Variants in RIMS2 observed in about 807,000 individuals in gnomAD.
RIMS2 encodes regulating synaptic membrane exocytosis protein 2.
In RIMS2, 59 loss-of-function variants were observed where a neutral mutation model predicts 174.4. That is an observed-to-expected ratio of 0.34 (90% CI 0.27 to 0.42). RIMS2 has a LOEUF of 0.42. RIMS2 is among the 10% of genes least tolerant of loss of function. The pLI, the probability that RIMS2 is intolerant of heterozygous loss-of-function variation, is 1.00. For missense variants in RIMS2, 1,620 were observed against 1,666.3 expected (o/e 0.97, Z 0.48); for synonymous variants, 606 against 572.5 (o/e 1.06, Z -0.84).
At chr8:103,739,582 G>A (rs865978510) in intron 2 of RIMS2, among the ~76,000 whole-genome samples, 2 of 152,038 alleles carry the variant, frequency 1.3e-5, no homozygotes, top group Non-Finnish European at 2.9e-5. Flanking sequence ...ATTGTGTCAG[G>A]CATATCACTG....
intron 20 of RIMS2, 87 bp downstream of exon 26, chr8:104,245,144 T>G: frequency 1.5e-6 from 2 of 1,357,848 alleles, no homozygotes; most frequent in Non-Finnish European, 2.1e-6. Context: ...CCAACTCTCA[T>G]GCTCTTCAGA....
intron 1 of RIMS2, among the ~76,000 whole-genome samples, chr8:103,668,243 A>G (rs1346744205): frequency 6.6e-6 from 1 of 152,218 alleles, no homozygotes; most frequent in African/African-American, 2.4e-5. Flanking sequence ...AGTTGATTCA[A>G]TTAGTTTTGC....
intron 3 of RIMS2, among the ~76,000 whole-genome samples, chr8:103,875,577 A>C (rs945559988): frequency 1.1e-4 from 16 of 152,016 alleles, no homozygotes; most frequent in Non-Finnish European, 2.4e-4. Context: ...AAACGTGTGC[A>C]GGTGTCTTTT....
At chr8:103,597,940 G>A (rs546460868) in intron 1 of RIMS2, among the ~76,000 whole-genome samples, 49 of 152,008 alleles carry the variant, frequency 3.2e-4, no homozygotes, top group Middle Eastern at 3.4e-3. Flanking sequence ...ATTATTTTAC[G>A]GAATTTTATT....
At chr8:103,606,529 G>A (rs940666939) in intron 1 of RIMS2, among the ~76,000 whole-genome samples, 2 of 152,174 alleles carry the variant, frequency 1.3e-5, no homozygotes, top group Non-Finnish European at 2.9e-5. Flanking sequence ...GCTTGGTGCA[G>A]AGCTGGGTTC....
chr8:104,221,671 T>G (rs2099155972), intron 19 of RIMS2, among the ~76,000 whole-genome samples: 1 of 152,080 alleles, frequency 6.6e-6, no homozygotes, highest in Non-Finnish European at 1.5e-5. Context: ...ACAAAAGCAA[T>G]AAATCTGGAT....
chr8:103,682,047 A>G (rs2096886543), intron 1 of RIMS2, among the ~76,000 whole-genome samples: 1 of 152,078 alleles, frequency 6.6e-6, no homozygotes, highest in South Asian at 2.1e-4. Context: ...GTATAATTGA[A>G]TGGTGGCACC....
At chr8:104,107,967 G>GCCC (rs11322161) in intron 19 of RIMS2, among the ~76,000 whole-genome samples, 106 of 141,230 alleles carry the variant, frequency 7.5e-4, no homozygotes, top group Middle Eastern at 7.4e-3. Context: ...TCTTTCCCCT[G>GCCC]CCCCCCCCCC....
intron 2 of RIMS2, among the ~76,000 whole-genome samples, chr8:103,709,446 ACTT>A (rs34074791): frequency 0.12 from 17,472 of 150,872 alleles, 1,322 homozygotes; most frequent in Non-Finnish European, 0.17. Context: ...TGTTTCTGTA[ACTT>A]CTTGAGCTTT....
chr8:104,003,679 A>G (rs1040590106), intron 17 of RIMS2, among the ~76,000 whole-genome samples: 1 of 152,104 alleles, frequency 6.6e-6, no homozygotes, highest in Admixed American at 6.6e-5. Flanking sequence ...CTCCCAAAGC[A>G]CTGGGATTAT....
In RIMS2 at chr8:103,567,155, GTACTT is replaced by G. The variant is rs1350823888; in HGVS notation, c.176+66099_176+66103del. 7.2e-5 allele frequency among the ~76,000 whole-genome samples: 11 copies of G among 152,248 alleles called. No individual in the cohort carries two copies. The East Asian group carries it at 2.1e-3, about 29-fold the overall frequency. On this transcript the variant is annotated intron_variant, in intron 1 of 23. Transcript: ENST00000504942. Reference sequence around the variant, plus strand: ...GTCATTCATGTCATAACATGTGTCAGTACTTTACTTCTTTTTTTATTGTGGTAAAA... The same window carrying G: ...GTCATTCATGTCATAACATGTGTCAGTACTTCTTTTTTTATTGTGGTAAAA...
intron 2 of RIMS2, among the ~76,000 whole-genome samples, chr8:103,708,484 CAT>C (rs1316817362): frequency 3.3e-5 from 5 of 152,136 alleles, no homozygotes; most frequent in Non-Finnish European, 5.9e-5. Flanking sequence ...TGTGATCTCT[CAT>C]GTGATGTTTT....
chr8:103,627,495 T>C (rs368382855), intron 1 of RIMS2, among the ~76,000 whole-genome samples: 138 of 152,330 alleles, frequency 9.1e-4, no homozygotes, highest in African/African-American at 3.2e-3. Context: ...AGAGTATTGA[T>C]TGGGGAAGTG....
intron 1 of RIMS2, among the ~76,000 whole-genome samples, chr8:103,596,829 A>C (rs927730945): frequency 6.6e-6 from 1 of 152,118 alleles, no homozygotes; most frequent in African/African-American, 2.4e-5. Context: ...TTTTAAAGAC[A>C]CAGCTTAAGC....
intron 1 of RIMS2, among the ~76,000 whole-genome samples, chr8:103,678,751 A>G (rs78749259): frequency 0.12 from 18,932 of 152,184 alleles, 1,277 homozygotes; most frequent in Middle Eastern, 0.22. Context: ...TAAATGCATA[A>G]AAGATAATAC....
intron 1 of RIMS2, among the ~76,000 whole-genome samples, chr8:103,611,832 G>C (rs1168837164): frequency 6.6e-6 from 1 of 151,868 alleles, no homozygotes; most frequent in Non-Finnish European, 1.5e-5. Context: ...AGTTTGGGTA[G>C]TTCTCTGATA....
At chr8:103,689,814 T>C (rs1028385029) in intron 1 of RIMS2, among the ~76,000 whole-genome samples, 2 of 152,192 alleles carry the variant, frequency 1.3e-5, no homozygotes, top group Admixed American at 6.5e-5. Flanking sequence ...ATATCTTGAA[T>C]AGAAAGATTC....
At chr8:104,181,192 C>T (rs962795617) in intron 19 of RIMS2, among the ~76,000 whole-genome samples, 3 of 151,544 alleles carry the variant, frequency 2.0e-5, no homozygotes, top group Admixed American at 2.0e-4. Flanking sequence ...TTTCCTGACT[C>T]ACTTTGACCA....
chr8:103,820,880 T>G (rs1278513552), intron 3 of RIMS2, among the ~76,000 whole-genome samples: 1 of 151,424 alleles, frequency 6.6e-6, no homozygotes, highest in Non-Finnish European at 1.5e-5. Context: ...ATACATCACT[T>G]TAGTGTCTAT....
Sources: gnomAD v4.1 joint callset for allele counts (sites outside exome capture counted in the v4.1 genomes callset) on GRCh38, gnomAD v4.1.1 for gene constraint, MANE v1.5 for transcripts, NCBI Gene and HGNC (gene_info 2026-07-23, HGNC 2026-07-21) for gene names.